Variants in SDF2 observed in about 807,000 individuals in gnomAD.
The protein encoded by SDF2 is stromal cell derived factor 2.
A neutral mutation model predicts 20.5 loss-of-function variants in SDF2; 12 were observed. The observed-to-expected ratio is 0.58, with a 90% CI of 0.37 to 0.95. SDF2 has a LOEUF of 0.95. Ranked by LOEUF, SDF2 falls within the 40% of genes least tolerant of loss-of-function variation. The pLI is 0.01. For missense variants in SDF2, 238 were observed against 263.1 expected (o/e 0.90, Z 0.66); for synonymous variants, 100 against 101.0 (o/e 0.99, Z 0.06).
chr17:28,659,011 C>T (rs999110921), intron 1 of SDF2, among the ~76,000 whole-genome samples: 1 of 149,822 alleles, frequency 6.7e-6, no homozygotes, highest in South Asian at 2.1e-4. Context: ...CCTCCCCTCC[C>T]AGACGGGGCG....
chr17:28,659,341 G>C (rs553371192), intron 1 of SDF2, among the ~76,000 whole-genome samples: 1 of 137,416 alleles, frequency 7.3e-6, no homozygotes, highest in East Asian at 2.2e-4. Context: ...GGGCAGAGGC[G>C]CTCCCCACTT....
upstream of SDF2, chr17:28,661,956 G>T (rs545940155): frequency 1.3e-6 from 2 of 1,505,398 alleles, no homozygotes; most frequent in East Asian, 2.3e-5. Context: ...GCGAAACCAC[G>T]GAGAGAAGGA....
intron 2 of SDF2, among the ~76,000 whole-genome samples, chr17:28,652,837 C>T (rs2071926425): frequency 6.6e-6 from 1 of 152,182 alleles, no homozygotes; most frequent in Admixed American, 6.5e-5. Flanking sequence ...GGCACATATA[C>T]ACAAAAACAC....
chr17:28,653,686 C>A (rs1190273260), intron 2 of SDF2, among the ~76,000 whole-genome samples: 2 of 152,108 alleles, frequency 1.3e-5, no homozygotes, highest in African/African-American at 2.4e-5. Flanking sequence ...GTGGCAGGCA[C>A]CTGTAATCCC....
chr17:28,649,349 G>A, intron 2 of SDF2, 73 bp from the exon 3 acceptor site: 1 of 1,412,340 alleles, frequency 7.1e-7, no homozygotes. Context: ...GCAATGGGAA[G>A]AAAAAGAAGG....
intron 1 of SDF2, 83 bp from the exon 2 acceptor site, chr17:28,655,566 T>C: frequency 8.5e-7 from 1 of 1,182,046 alleles, no homozygotes; most frequent in Non-Finnish European, 1.2e-6. Context: ...GCGCTCAAGA[T>C]TCACCTTCAC....
In SDF2 at chr17:28,655,386, T is replaced by A. The variant is rs746830583; in HGVS notation, c.249A>T (p.Gly83=). The part of the protein sequence containing the change: ...RGKSATVCER[G]TPIKCGQPIR... ...TGGGCTGGCCACACTTGATGGGGGT[T>A]CCCCTCTCACACACTGTGGCACTCT... Residue 83 remains glycine (G), a synonymous_variant, in exon 2 of 3, where the codon GGA becomes GGT. Transcript: ENST00000247020. 3.1e-6 allele frequency: 5 copies of A among 1,614,176 alleles called. No homozygotes were observed. Among genetic ancestry groups the A allele is most frequent in the Middle Eastern group, 1.6e-4 (1 of 6,062 alleles).
rs756906809 is a variant in SDF2 at position 28,649,030 on chromosome 17, T to A, written c.595A>T (p.Ser199Cys). 6.2e-7 allele frequency: 1 copy of A among 1,614,246 alleles called. No individual in the cohort carries two copies. The highest frequency in any genetic ancestry group is 1.1e-5 in the South Asian group (1 of 91,090). ...KAMEGIFMKP[S>C]ELLKAEAHHA... ...TGGGCTTCTGCCTTCAACAACTCAC[T>A]GGGCTTCATGAAGATGCCTTCCATG... The change falls in exon 3 of 3, where the codon AGT becomes TGT. Residue 199 changes from serine (S) to cysteine (C), a missense_variant. Coordinates refer to ENST00000247020, the MANE Select transcript of SDF2 (RefSeq NM_006923.4).
chr17:28,659,400 TGGC>T (rs1324947816), intron 1 of SDF2, among the ~76,000 whole-genome samples: 1 of 70,732 alleles, frequency 1.4e-5, no homozygotes, highest in African/African-American at 5.6e-5. Flanking sequence ...CCAGATGGGG[TGGC>T]GGCCGGGCAG....
At chr17:28,653,335 A>C (rs2071930106) in intron 2 of SDF2, among the ~76,000 whole-genome samples, 1 of 152,222 alleles carries the variant, frequency 6.6e-6, no homozygotes, top group African/African-American at 2.4e-5. Context: ...AGTCCGGTCT[A>C]ATCACAAGAA....
At chr17:28,660,101 T>C (rs1018966224) in intron 1 of SDF2, among the ~76,000 whole-genome samples, 2 of 152,172 alleles carry the variant, frequency 1.3e-5, no homozygotes, top group Non-Finnish European at 2.9e-5. Flanking sequence ...CAGTCAGGCA[T>C]GGCGGCGTGT....
chr17:28,661,944 T>C (rs888747999), upstream of SDF2: 12 of 1,544,024 alleles, frequency 7.8e-6, no homozygotes, highest in Non-Finnish European at 1.1e-5. Flanking sequence ...CGGAAGCTAA[T>C]GGCGAAACCA....
At chr17:28,654,538 G>C (rs1244791435) in intron 2 of SDF2, among the ~76,000 whole-genome samples, 1 of 152,136 alleles carries the variant, frequency 6.6e-6, no homozygotes, top group East Asian at 1.9e-4. Context: ...AAGCCGGCTG[G>C]GTGCAGTGGC....
rs1162475474 is a variant in SDF2 at position 28,648,718 on chromosome 17, GTTTGT to G, written c.*266_*270del. The G allele has an allele frequency of 1.1e-5, 5 of 473,186 alleles. No individual in the cohort carries two copies. The Admixed American group carries it at 1.1e-4, about 10-fold the overall frequency. The allele number at this position is 473,186 out of a possible 1,614,324, so 29.3% of individuals were successfully genotyped here. A position where few individuals can be genotyped will look rare whatever the true frequency, so the allele number is the denominator to read the frequency against. ...CCAGCTAAGAGGGATGTTTCCCTCA[GTTTGT>G]TTTATCAGTACTAATAAAAAGCATC... is the stretch of plus-strand genomic sequence containing the variant. On this transcript the variant is annotated 3_prime_UTR_variant, in exon 3 of 3. Transcript: ENST00000247020.
In SDF2 at chr17:28,661,817, G is replaced by A. The variant is rs2072051595; in HGVS notation, c.60C>T (p.Ser20=). 6.2e-7 allele frequency: 1 copy of A among 1,614,078 alleles called. No homozygotes were observed. The highest frequency in any genetic ancestry group is 2.2e-5 in the East Asian group (1 of 44,876). Residue 20 remains serine (S), a synonymous_variant, in exon 1 of 3, where the codon AGC becomes AGT. Coordinates refer to ENST00000247020, the MANE Select transcript of SDF2 (RefSeq NM_006923.4). ...CGGAGCCGCAAGTAACGACACCCAG[G>A]CTGGACGCTCCCACAGCGCTCCACA... ...GGLWSAVGAS[S]LGVVTCGSVV...
At chr17:28,655,240 C>G in intron 2 of SDF2, 47 bp downstream of exon 2, 2 of 1,552,708 alleles carry the variant, frequency 1.3e-6, no homozygotes, top group Non-Finnish European at 1.8e-6. Context: ...AAACAAGCAC[C>G]CACTGAGTAA....
chr17:28,651,767 G>C (rs1187892769), intron 2 of SDF2, among the ~76,000 whole-genome samples: 1 of 150,086 alleles, frequency 6.7e-6, no homozygotes, highest in Non-Finnish European at 1.5e-5. Context: ...AAAAATTACT[G>C]ATTATTTCAG....
chr17:28,661,046 CAAAT>C, intron 1 of SDF2: 2 of 352,750 alleles, frequency 5.7e-6, no homozygotes, highest in East Asian at 1.6e-4. Flanking sequence ...AATGAATCCA[CAAAT>C]AATTTATTAC....
At position 28,650,752 on chromosome 17, in the gene SDF2, G is replaced by A. The variant is rs180756807; in HGVS notation, c.349-1476C>T. The stretch of plus-strand genomic sequence containing the variant: ...CGTGAGCCGAAGGTTGCAGTGAGCC[G>A]AGATTGCACCACTGGACTCCAGCCT... On this transcript the variant is annotated intron_variant, in intron 2 of 2. Transcript: ENST00000247020. Among the ~76,000 whole-genome samples the A allele has an allele frequency of 2.7e-3, 366 of 134,952 alleles. 9 individuals carry two copies. Among genetic ancestry groups the A allele is most frequent in the South Asian group, 0.024 (95 of 4,016 alleles). The allele number at this position is 134,952 out of a possible 152,430, so 88.5% of individuals were successfully genotyped here.
Sources: gnomAD v4.1 joint callset for allele counts (sites outside exome capture counted in the v4.1 genomes callset) on GRCh38, gnomAD v4.1.1 for gene constraint, MANE v1.5 for transcripts, NCBI Gene and HGNC (gene_info 2026-07-23, HGNC 2026-07-21) for gene names.